PUDP: variants seen among roughly 807,000 people sequenced by gnomAD.
PUDP encodes the protein pseudouridine 5'-phosphatase, also known as pseudouridine-5'-phosphatase.
Under a neutral mutation model 9.4 loss-of-function variants are expected in PUDP, and 8 were observed. The observed-to-expected ratio is 0.85, with a 90% CI of 0.50 to 1.53. The LOEUF (loss-of-function observed/expected upper bound fraction) is 1.53. PUDP is among the 40% of genes most tolerant of loss of function. PUDP has a pLI of 0.00. For synonymous variants in PUDP, 99 were observed against 80.7 expected (o/e 1.23, Z -1.22); for missense variants, 188 against 189.7 (o/e 0.99, Z 0.05).
At position 7,137,228 on chromosome X, in the gene PUDP, C is replaced by T. The variant is rs781706745; in HGVS notation, c.61+10825G>A. On this transcript the variant is annotated intron_variant, in intron 1 of 3. Coordinates refer to ENST00000381077, the MANE Select transcript of PUDP (RefSeq NM_012080.5). ...TGCACTCCAGCCTGGGTGACAAGAG[C>T]GAGACTCCATCTCAAAAAAAAAAAA... Among the ~76,000 whole-genome samples the T allele has an allele frequency of 8.6e-5, 8 of 92,514 alleles. No individual in the cohort carries two copies. The South Asian group carries it at 3.3e-3, about 38-fold the overall frequency. 80.3% of individuals were successfully genotyped at this position (92,514 alleles called of 115,157 possible).
rs1257246978 is a variant in PUDP, at chrX:6,860,461, G to GT, written c.*247+116671dup. 8.3e-5 allele frequency among the ~76,000 whole-genome samples: 8 copies of GT among 95,926 alleles called. No homozygotes were observed. The South Asian group carries it at 1.8e-3, about 21-fold the overall frequency. 83.3% of individuals were successfully genotyped at this position (95,926 alleles called of 115,157 possible). On this transcript the variant is annotated intron_variant and NMD_transcript_variant, in intron 3 of 3. Transcript: ENST00000655425. ...CCAAGCCCATGTTTTTCTGTGTGTG[G>GT]TTTTTTGTTTTTTGTTTTTTGTTTT...
Position 6,785,247 on chromosome X carries a change from T to C in PUDP, c.*248-78781A>G, listed in dbSNP as rs768428943. 1.6e-3 allele frequency among the ~76,000 whole-genome samples: 181 copies of C among 112,479 alleles called. 1 individual carries two copies. The highest frequency in any genetic ancestry group is 4.6e-3 in the Middle Eastern group (1 of 219). ...CACCACCAGCTAGTTTTGGAAGTAG[T>C]TCTTTCTATACAGCTGCCTACTTAA... is the stretch of plus-strand genomic sequence containing the variant. On this transcript the variant is annotated intron_variant and NMD_transcript_variant, in intron 3 of 3. Transcript: ENST00000655425.
intron 3 of PUDP, among the ~76,000 whole-genome samples, chrX:6,944,987 C>A (rs1384626331): frequency 8.9e-6 from 1 of 111,763 alleles, no homozygotes; most frequent in African/African-American, 3.3e-5. Context: ...GATGTCTCAC[C>A]TTTTTTAGGT....
chrX:6,791,449 G>A (rs1348641484), intron 3 of PUDP, among the ~76,000 whole-genome samples: 1 of 111,702 alleles, frequency 9.0e-6, no homozygotes, highest in East Asian at 2.8e-4. Context: ...AATCTGCAAA[G>A]AGTAACCAAG....
At chrX:7,026,023 T>G (rs1003584625) in intron 1 of PUDP, among the ~76,000 whole-genome samples, 2 of 112,695 alleles carry the variant, frequency 1.8e-5, no homozygotes, top group Non-Finnish European at 3.8e-5. Flanking sequence ...ATTAGTGTGT[T>G]GGTCTCCCCC....
chrX:6,911,189 ATTTTC>A (rs1265227170), intron 3 of PUDP, among the ~76,000 whole-genome samples: 1 of 102,818 alleles, frequency 9.7e-6, no homozygotes, highest in Non-Finnish European at 2.0e-5. Flanking sequence ...TTTTTCTTTG[ATTTTC>A]TTTTTCTTTT....
intron 3 of PUDP, among the ~76,000 whole-genome samples, chrX:6,920,462 A>C (rs893932736): frequency 8.9e-5 from 10 of 111,742 alleles, no homozygotes; most frequent in African/African-American, 3.3e-4. Context: ...TTGGGCCCCC[A>C]AAATCTCTAA....
At chrX:7,119,955 AACATAT>A (rs1283871020) in intron 1 of PUDP, among the ~76,000 whole-genome samples, 1 of 112,071 alleles carries the variant, frequency 8.9e-6, no homozygotes, top group Non-Finnish European at 1.9e-5. Context: ...GTCGTACGAG[AACATAT>A]GGATAAAGGG....
chrX:6,740,061 C>G (rs936799973), intron 3 of PUDP, among the ~76,000 whole-genome samples: 1 of 111,422 alleles, frequency 9.0e-6, no homozygotes, highest in East Asian at 2.8e-4. Flanking sequence ...TTCCCTATTC[C>G]TTTAGGGTGA....
At chrX:6,961,842 G>A (rs960616814) in intron 3 of PUDP, among the ~76,000 whole-genome samples, 11 of 111,689 alleles carry the variant, frequency 9.8e-5, no homozygotes, top group African/African-American at 2.9e-4. Context: ...GTCTTTACCC[G>A]TGATAGCAAC....
At chrX:6,712,161 G>A (rs1924540466) in intron 1 of PUDP, among the ~76,000 whole-genome samples, 1 of 111,488 alleles carries the variant, frequency 9.0e-6, no homozygotes, top group Non-Finnish European at 1.9e-5. Context: ...TTTATTTTGT[G>A]TGTGTGTGTG....
chrX:6,792,472 A>C (rs1008004594), intron 3 of PUDP, among the ~76,000 whole-genome samples: 1 of 109,198 alleles, frequency 9.2e-6, no homozygotes, highest in Non-Finnish European at 1.9e-5. Context: ...GAAGTGGGCC[A>C]TAAAACCTAG....
chrX:6,763,920 T>C (rs1460160843), intron 3 of PUDP, among the ~76,000 whole-genome samples: 1 of 112,247 alleles, frequency 8.9e-6, no homozygotes, highest in East Asian at 2.8e-4. Flanking sequence ...CAGAGATTTA[T>C]GTTTTCAACC....
chrX:6,911,198 T>A (rs1356619740), intron 3 of PUDP, among the ~76,000 whole-genome samples: 1 of 108,241 alleles, frequency 9.2e-6, no homozygotes, highest in African/African-American at 3.5e-5. Context: ...GATTTTCTTT[T>A]TCTTTTTTTT....
At chrX:7,055,749 A>T (rs1481845286) in intron 3 of PUDP, among the ~76,000 whole-genome samples, 2 of 110,463 alleles carry the variant, frequency 1.8e-5, no homozygotes, top group Non-Finnish European at 1.9e-5. Context: ...TCTTGGAACA[A>T]CTGTGTCTGG....
intron 2 of PUDP, among the ~76,000 whole-genome samples, chrX:6,705,991 T>G (rs984207191): frequency 8.9e-6 from 1 of 112,629 alleles, no homozygotes; most frequent in Non-Finnish European, 1.9e-5. Context: ...GGAATGAAAT[T>G]CTGATACATA....
intron 3 of PUDP, among the ~76,000 whole-genome samples, chrX:6,880,172 G>A (rs1046729070): frequency 2.7e-5 from 3 of 109,279 alleles, no homozygotes; most frequent in Admixed American, 9.8e-5. Context: ...GTTCTTTAGC[G>A]GTGATTTCTG....
chrX:7,129,646 C>A (rs1171071865), intron 1 of PUDP, among the ~76,000 whole-genome samples: 1 of 112,452 alleles, frequency 8.9e-6, no homozygotes, highest in African/African-American at 3.2e-5. Context: ...CAGTGACCAT[C>A]GCCTCTCAGG....
At chrX:7,087,612 A>G (rs1931302247) in intron 2 of PUDP, among the ~76,000 whole-genome samples, 1 of 112,593 alleles carries the variant, frequency 8.9e-6, no homozygotes, top group Admixed American at 9.4e-5. Flanking sequence ...CTGGTACTTG[A>G]CACACAAATT....
Sources: gnomAD v4.1 joint callset for allele counts (sites outside exome capture counted in the v4.1 genomes callset) on GRCh38, gnomAD v4.1.1 for gene constraint, MANE v1.5 for transcripts, NCBI Gene and HGNC (gene_info 2026-07-23, HGNC 2026-07-21) for gene names.